Variants in C11orf65 observed in about 807,000 individuals in gnomAD.
The protein encoded by C11orf65 is chromosome 11 open reading frame 65.
In C11orf65, 38 loss-of-function variants were observed where a neutral mutation model predicts 35.3. That is an observed-to-expected ratio of 1.08 (90% CI 0.83 to 1.41). C11orf65 has a LOEUF of 1.41. C11orf65 is among the 40% of genes most tolerant of loss of function. The pLI is 0.00. For synonymous variants in C11orf65, 105 were observed against 114.4 expected, an observed-to-expected ratio of 0.92 and a Z score of 0.53; for missense variants, 370 against 367.1, an observed-to-expected ratio of 1.01 and a Z score of -0.06.
At chr11:108,419,994 A>C (rs1052430647) in intron 3 of C11orf65, among the ~76,000 whole-genome samples, 12 of 152,270 alleles carry the variant, frequency 7.9e-5, no homozygotes, top group Admixed American at 7.2e-4. Flanking sequence ...GTTTATATTG[A>C]AAATCCAAAA....
At chr11:108,407,250 G>C in intron 3 of C11orf65, 101 bp from the exon 4 acceptor site, 2 of 844,018 alleles carry the variant, frequency 2.4e-6, no homozygotes, top group South Asian at 2.5e-5. Flanking sequence ...GCTAAATATT[G>C]ACTATTTAGG....
intron 7 of C11orf65, among the ~76,000 whole-genome samples, chr11:108,392,068 G>C (rs1381766050): frequency 2.6e-5 from 4 of 152,084 alleles, no homozygotes; most frequent in Admixed American, 6.6e-5. Flanking sequence ...GTGTGTGTGT[G>C]TGTGTGTCTC....
chr11:108,355,563 A>T (rs189328374), intron 2 of C11orf65: 1 of 152,836 alleles, frequency 6.5e-6, no homozygotes, highest in Non-Finnish European at 1.5e-5. Flanking sequence ...TGGCCTCCCC[A>T]GGGAAGCATG....
chr11:108,337,645 G>A (rs1446129642), intron 2 of C11orf65, among the ~76,000 whole-genome samples: 1 of 152,120 alleles, frequency 6.6e-6, no homozygotes, highest in Non-Finnish European at 1.5e-5. Flanking sequence ...ACCATCTATT[G>A]ACCTGACTTC....
chr11:108,317,422 G>A lies in C11orf65; in HGVS notation c.641-8351C>T, dbSNP rs1060501559. On this transcript the variant is annotated intron_variant, in intron 6 of 6. Coordinates refer to the C11orf65 transcript ENST00000525729. The stretch of plus-strand genomic sequence containing the variant: ...CATATTCTTTCCGTCTATTTAAAAG[G>A]ATTGGATTATGAAAATAAAGACTGG... 1 of 1,612,182 alleles carries A rather than the reference G, an allele frequency of 6.2e-7. No individual in the cohort carries two copies. The highest frequency in any genetic ancestry group is 2.2e-5 in the East Asian group (1 of 44,720).
chr11:108,399,863 T>C (rs1178871882), intron 6 of C11orf65, among the ~76,000 whole-genome samples: 1 of 152,238 alleles, frequency 6.6e-6, no homozygotes, highest in Non-Finnish European at 1.5e-5. Flanking sequence ...ATTGCAAATC[T>C]GGAACAGATT....
At chr11:108,376,067 G>C (rs170546) in intron 2 of C11orf65, among the ~76,000 whole-genome samples, 78,772 of 151,080 alleles carry the variant, frequency 0.52, 21,289 homozygotes, top group Middle Eastern at 0.72. Context: ...GTCAACATTA[G>C]ACAGATCAAC....
intron 6 of C11orf65, chr11:108,316,170 C>A (rs2136135717): frequency 1.4e-6 from 2 of 1,465,806 alleles, no homozygotes; most frequent in Non-Finnish European, 1.9e-6. Context: ...GAGGTTATTT[C>A]AGTATGTTGG....
chr11:108,415,345 T>C (rs991982507), intron 3 of C11orf65, among the ~76,000 whole-genome samples: 23 of 152,132 alleles, frequency 1.5e-4, no homozygotes, highest in African/African-American at 4.6e-4. Context: ...TTAAAACACA[T>C]TGTCATTTAT....
At chr11:108,335,301 C>T (rs1442737628) in intron 2 of C11orf65, 26 of 1,496,922 alleles carry the variant, frequency 1.7e-5, no homozygotes, top group Non-Finnish European at 2.3e-5. Flanking sequence ...CTCTGAAAGA[C>T]AATCATTATT....
At chr11:108,441,149 G>C (rs942829144) in intron 2 of C11orf65, among the ~76,000 whole-genome samples, 37 of 152,206 alleles carry the variant, frequency 2.4e-4, no homozygotes, top group Middle Eastern at 3.2e-3. Context: ...AACAGTCTTA[G>C]CAAACAGCAC....
At chr11:108,442,036 G>A (rs536781492) in intron 2 of C11orf65, among the ~76,000 whole-genome samples, 2 of 152,260 alleles carry the variant, frequency 1.3e-5, no homozygotes, top group South Asian at 2.1e-4. Flanking sequence ...CCGAGCTAAA[G>A]GAGGATGTTC....
In C11orf65 at chr11:108,382,953, T is replaced by C. The variant is rs1486851271; in HGVS notation, c.*68A>G. 4 of 1,589,660 alleles carry C rather than the reference T, an allele frequency of 2.5e-6. No homozygotes were observed. The highest frequency in any genetic ancestry group is 1.9e-5 in the Admixed American group (1 of 52,304). On this transcript the variant is annotated 3_prime_UTR_variant, in exon 9 of 9. Coordinates refer to ENST00000393084, the MANE Select transcript of C11orf65 (RefSeq NM_152587.5). ...ACAAGTTATTCCAGTCAGAATACAC[T>C]ATCTCTTGGCTATAACTGATGGATG...
At chr11:108,454,663 C>T (rs1355608128) in intron 2 of C11orf65, among the ~76,000 whole-genome samples, 2 of 152,072 alleles carry the variant, frequency 1.3e-5, no homozygotes, top group Non-Finnish European at 2.9e-5. Context: ...TCTCACTATG[C>T]TGCCAAGGCT....
At chr11:108,445,785 G>A (rs907182101) in intron 2 of C11orf65, among the ~76,000 whole-genome samples, 7 of 152,096 alleles carry the variant, frequency 4.6e-5, no homozygotes, top group Non-Finnish European at 7.4e-5. Flanking sequence ...TGACTTTGAC[G>A]AGCTGAGAGA....
chr11:108,372,135 A>T (rs1005178376), intron 2 of C11orf65, among the ~76,000 whole-genome samples: 23 of 152,214 alleles, frequency 1.5e-4, no homozygotes, highest in Admixed American at 1.5e-3. Context: ...GTGTTTGAAT[A>T]TTTAATATAA....
Position 108,335,941 on chromosome 11 carries a change from T to A in C11orf65, c.227-649A>T, listed in dbSNP as rs876658559. On this transcript the variant is annotated intron_variant, in intron 2 of 3. Coordinates refer to the C11orf65 transcript ENST00000524755. Reference sequence around the variant, plus strand: ...AAACACGGAAACTAGGAAGAGGAAATTAACTATCTGTACTTATAAGGTAAC... The same window carrying A: ...AAACACGGAAACTAGGAAGAGGAAAATAACTATCTGTACTTATAAGGTAAC... The A allele has an allele frequency of 1.2e-6, 2 of 1,611,508 alleles. No homozygotes were observed. Among genetic ancestry groups the A allele is most frequent in the African/African-American group, 2.7e-5 (2 of 74,808 alleles).
chr11:108,336,699 G>C (rs1334205335), intron 2 of C11orf65, among the ~76,000 whole-genome samples: 1 of 152,162 alleles, frequency 6.6e-6, no homozygotes, highest in African/African-American at 2.4e-5. Flanking sequence ...TGGATTGCTG[G>C]GTTAGAGGAT....
chr11:108,346,182 G>A (rs1374093651), intron 2 of C11orf65, among the ~76,000 whole-genome samples: 1 of 151,906 alleles, frequency 6.6e-6, no homozygotes, highest in Non-Finnish European at 1.5e-5. Context: ...AGTGAATATG[G>A]CATATTTTCT....
Sources: gnomAD v4.1 joint callset for allele counts (sites outside exome capture counted in the v4.1 genomes callset) on GRCh38, gnomAD v4.1.1 for gene constraint, MANE v1.5 for transcripts, NCBI Gene and HGNC (gene_info 2026-07-23, HGNC 2026-07-21) for gene names.